The following TPRG1 variants were observed in gnomAD, a reference collection of about 807,000 sequenced individuals.
TPRG1 encodes tumor protein p63-regulated gene 1 protein.
TPRG1 carries 29 observed loss-of-function variants against 29.3 expected under a neutral mutation model. The observed-to-expected ratio is 0.99, with a 90% CI of 0.74 to 1.35. The LOEUF (loss-of-function observed/expected upper bound fraction) is 1.35, where lower values mean the gene tolerates loss of function less well. Among genes scored for constraint, TPRG1 ranks in the 40% most tolerant of loss-of-function variants. The pLI is 0.00. For synonymous variants in TPRG1, 130 were observed against 116.8 expected (o/e 1.11, Z -0.73); for missense variants, 327 against 335.0 (o/e 0.98, Z 0.19).
intron 1 of TPRG1, among the ~76,000 whole-genome samples, chr3:188,997,260 A>G (rs1157530042): frequency 6.6e-6 from 1 of 151,792 alleles, no homozygotes; most frequent in Non-Finnish European, 1.5e-5. Flanking sequence ...TTTAGCAAAC[A>G]TTTTCAAGAT....
chr3:189,028,538 C>T (rs1380164741), intron 4 of TPRG1, among the ~76,000 whole-genome samples: 1 of 152,178 alleles, frequency 6.6e-6, no homozygotes, highest in African/African-American at 2.4e-5. Context: ...TTATAGCTAA[C>T]AGATAAGAAA....
chr3:189,286,327 C>T (rs1331902516), intron 4 of TPRG1, among the ~76,000 whole-genome samples: 1 of 152,000 alleles, frequency 6.6e-6, no homozygotes, highest in Non-Finnish European at 1.5e-5. Context: ...ATCCTTCTGC[C>T]ACATAGTATA....
chr3:189,192,834 G>T (rs111648729), intron 1 of TPRG1, among the ~76,000 whole-genome samples: 33 of 152,200 alleles, frequency 2.2e-4, no homozygotes, highest in African/African-American at 7.9e-4. Flanking sequence ...TCCAGTTGCA[G>T]GATTTCCTTG....
At chr3:189,140,252 T>C (rs889879890) in intron 3 of TPRG1, among the ~76,000 whole-genome samples, 2 of 152,212 alleles carry the variant, frequency 1.3e-5, no homozygotes, top group Non-Finnish European at 2.9e-5. Context: ...ATAAGCAGTC[T>C]TTGTGGCTAA....
intron 3 of TPRG1, among the ~76,000 whole-genome samples, chr3:189,236,306 A>G (rs1418198559): frequency 2.0e-5 from 3 of 152,214 alleles, no homozygotes; most frequent in African/African-American, 4.8e-5. Context: ...CAGTAAAACC[A>G]TTCAACCAAA....
intron 4 of TPRG1, among the ~76,000 whole-genome samples, chr3:189,296,747 A>G (rs147961193): frequency 6.6e-6 from 1 of 152,322 alleles, no homozygotes; most frequent in Non-Finnish European, 1.5e-5. Flanking sequence ...TGTAGTTGCT[A>G]TTGCTTTTTA....
intron 4 of TPRG1, among the ~76,000 whole-genome samples, chr3:189,076,080 C>T (rs757870214): frequency 2.0e-5 from 3 of 152,148 alleles, no homozygotes; most frequent in Non-Finnish European, 2.9e-5. Flanking sequence ...TCTCAAGCCA[C>T]ATGGTTAATA....
Position 189,014,463 on chromosome 3 carries a change from G to A in TPRG1, c.-659-9287G>A, listed in dbSNP as rs896335504. On this transcript the variant is annotated intron_variant, in intron 3 of 10. Coordinates refer to the TPRG1 transcript ENST00000433971. ...CATTTTTTCTTTTATTTCGACCTTG[G>A]TGAATGTGATGATGATGTGTCTTGG... Among the ~76,000 whole-genome samples the A allele has an allele frequency of 7.2e-5, 11 of 152,142 alleles. 1 individual carries two copies. The East Asian group carries it at 2.1e-3, about 29-fold the overall frequency.
At chr3:189,098,835 T>C, upstream of TPRG1, among the ~76,000 whole-genome samples, 1 of 152,120 alleles carries the variant, frequency 6.6e-6, no homozygotes, top group Admixed American at 6.5e-5. Flanking sequence ...TAACAATTTG[T>C]TTTTCCCTAT....
At chr3:189,016,867 T>C (rs1048531184) in intron 3 of TPRG1, among the ~76,000 whole-genome samples, 3 of 151,470 alleles carry the variant, frequency 2.0e-5, no homozygotes, top group African/African-American at 7.4e-5. Flanking sequence ...GAACTGTGAG[T>C]CAATTAAACC....
chr3:189,143,112 GGTT>G (rs564315189), intron 3 of TPRG1, among the ~76,000 whole-genome samples: 10 of 152,266 alleles, frequency 6.6e-5, no homozygotes, highest in African/African-American at 2.4e-4. Context: ...CCTAGATGAA[GGTT>G]GTTGTTCTGG....
At chr3:189,276,239 G>C (rs1475805906) in intron 4 of TPRG1, among the ~76,000 whole-genome samples, 2 of 152,086 alleles carry the variant, frequency 1.3e-5, no homozygotes, top group Non-Finnish European at 2.9e-5. Flanking sequence ...ATGAAGAGGT[G>C]GTGGCCCCCA....
At chr3:189,205,853 C>T (rs1414996836) in intron 1 of TPRG1, among the ~76,000 whole-genome samples, 1 of 152,124 alleles carries the variant, frequency 6.6e-6, no homozygotes, top group South Asian at 2.1e-4. Context: ...ATTACTAGCA[C>T]CCACAGACAT....
chr3:189,201,852 T>C lies in TPRG1; in HGVS notation c.-9-5524T>C, dbSNP rs1446718129. ...TTTTAGTAGAGATGGGGTTTCACCA[T>C]GTTGGCCAGGCTGGTCTTGAACTCC... On this transcript the variant is annotated intron_variant, in intron 1 of 5. Transcript: ENST00000345063. 2.6e-5 allele frequency among the ~76,000 whole-genome samples: 4 copies of C among 152,250 alleles called. No individual in the cohort carries two copies. The East Asian group carries it at 5.8e-4, about 22-fold the overall frequency.
At chr3:189,064,567 TAGAC>T (rs1235946417) in intron 4 of TPRG1, among the ~76,000 whole-genome samples, 7 of 152,100 alleles carry the variant, frequency 4.6e-5, no homozygotes, top group African/African-American at 1.7e-4. Context: ...TGAGAAATGA[TAGAC>T]AAAGTTAATG....
At chr3:189,055,028 T>A (rs542028833) in intron 4 of TPRG1, among the ~76,000 whole-genome samples, 70 of 152,312 alleles carry the variant, frequency 4.6e-4, no homozygotes, top group Middle Eastern at 3.4e-3. Flanking sequence ...GGTATGTGTG[T>A]ACAGTTTTTC....
chr3:189,249,732 C>G (rs1358823007), intron 4 of TPRG1, among the ~76,000 whole-genome samples: 2 of 151,900 alleles, frequency 1.3e-5, no homozygotes, highest in African/African-American at 4.8e-5. Flanking sequence ...TAGTCTTAGT[C>G]TTATCTTTTT....
intron 1 of TPRG1, among the ~76,000 whole-genome samples, chr3:189,188,276 A>G (rs1355891352): frequency 6.6e-6 from 1 of 152,210 alleles, no homozygotes; most frequent in Non-Finnish European, 1.5e-5. Flanking sequence ...CCCTTTGGCC[A>G]GGCATTTTCT....
chr3:189,260,703 G>A (rs1462423344), intron 4 of TPRG1, among the ~76,000 whole-genome samples: 1 of 152,208 alleles, frequency 6.6e-6, no homozygotes, highest in African/African-American at 2.4e-5. Flanking sequence ...AGGCCATGCT[G>A]CAGAAGCCAG....
Sources: gnomAD v4.1 joint callset for allele counts (sites outside exome capture counted in the v4.1 genomes callset) on GRCh38, gnomAD v4.1.1 for gene constraint, MANE v1.5 for transcripts, NCBI Gene and HGNC (gene_info 2026-07-23, HGNC 2026-07-21) for gene names.